Variants in VOPP1 observed in about 807,000 individuals in gnomAD.
The protein encoded by VOPP1 is VOPP1 WW domain binding protein, also known as WW domain binding protein VOPP1.
In VOPP1, 8 loss-of-function variants were observed where a neutral mutation model predicts 23.5. The ratio of observed to expected loss-of-function variants is 0.34; its 90% CI spans 0.20 to 0.61. The LOEUF is 0.61. Ranked by LOEUF, VOPP1 falls within the 20% of genes least tolerant of loss-of-function variation. The probability of loss-of-function intolerance (pLI) is 0.78; values close to 1 mark genes in which losing one functional copy is unlikely to be tolerated. For synonymous variants in VOPP1, 83 were observed against 97.3 expected, an observed-to-expected ratio of 0.85 and a Z score of 0.86; for missense variants, 174 against 238.1, an observed-to-expected ratio of 0.73 and a Z score of 1.77.
At chr7:55,506,552 G>C (rs996168357) in intron 2 of VOPP1, among the ~76,000 whole-genome samples, 11 of 151,776 alleles carry the variant, frequency 7.2e-5, no homozygotes, top group African/African-American at 1.9e-4. Flanking sequence ...GGCCAGGCTG[G>C]TCTCAAACTC....
chr7:55,483,538 T>G (rs554998381), intron 4 of VOPP1, among the ~76,000 whole-genome samples: 5 of 152,098 alleles, frequency 3.3e-5, no homozygotes, highest in African/African-American at 1.2e-4. Context: ...CCTGGCCAAA[T>G]AGGGCAGTGC....
intron 1 of VOPP1, chr7:55,561,893 G>C: frequency 1.4e-6 from 1 of 700,546 alleles, no homozygotes. Context: ...GACACCACCT[G>C]AGGGTCTTCA....
chr7:55,554,661 A>T (rs139948998), intron 1 of VOPP1, among the ~76,000 whole-genome samples: 1 of 152,176 alleles, frequency 6.6e-6, no homozygotes, highest in African/African-American at 2.4e-5. Flanking sequence ...CACAGAACCA[A>T]TGGGCGGAGC....
intron 1 of VOPP1, among the ~76,000 whole-genome samples, chr7:55,564,237 G>GTCTCTCTCTCTCTC (rs1382166112): frequency 0.036 from 1,013 of 28,174 alleles, 4 homozygotes; most frequent in Non-Finnish European, 0.075. Context: ...CTTTCTCTCT[G>GTCTCTCTCTCTCTC]TCTCTGTCTC....
chr7:55,478,969 G>A (rs2129011787), intron 4 of VOPP1, among the ~76,000 whole-genome samples: 1 of 152,258 alleles, frequency 6.6e-6, no homozygotes, highest in East Asian at 1.9e-4. Flanking sequence ...GGGGCAGCAG[G>A]GGCCCATGGA....
chr7:55,492,739 C>T (rs887855640), intron 3 of VOPP1: 29 of 219,048 alleles, frequency 1.3e-4, no homozygotes, highest in African/African-American at 4.3e-4. Context: ...TCCTCGTCCA[C>T]GGCTCTGACC....
chr7:55,568,931 G>A (rs918222967), intron 1 of VOPP1, among the ~76,000 whole-genome samples: 13 of 152,088 alleles, frequency 8.5e-5, no homozygotes, highest in African/African-American at 2.9e-4. Flanking sequence ...GCCAGCTGGC[G>A]GAACAAAGGC....
intron 2 of VOPP1, among the ~76,000 whole-genome samples, chr7:55,511,212 G>A (rs1300327345): frequency 1.3e-5 from 2 of 152,226 alleles, no homozygotes; most frequent in Non-Finnish European, 2.9e-5. Flanking sequence ...TTAACACAGT[G>A]CTGGCGGGGA....
At chr7:55,532,815 A>G (rs1009320666) in intron 1 of VOPP1, among the ~76,000 whole-genome samples, 7 of 152,218 alleles carry the variant, frequency 4.6e-5, no homozygotes, top group Non-Finnish European at 2.9e-5. Context: ...ACTACTACCA[A>G]ATTTCACACC....
At chr7:55,485,676 A>G (rs558817346) in intron 4 of VOPP1, among the ~76,000 whole-genome samples, 24 of 152,330 alleles carry the variant, frequency 1.6e-4, no homozygotes, top group Non-Finnish European at 2.5e-4. Context: ...CAGGGCCCAC[A>G]CAGGGCGCCC....
chr7:55,481,878 C>T (rs1013771153), intron 4 of VOPP1, among the ~76,000 whole-genome samples: 5 of 152,180 alleles, frequency 3.3e-5, no homozygotes, highest in Admixed American at 6.5e-5. Context: ...CCCTAGTATC[C>T]GGAGGTATGC....
At chr7:55,513,720 C>T (rs1317302355) in intron 2 of VOPP1, among the ~76,000 whole-genome samples, 1 of 152,162 alleles carries the variant, frequency 6.6e-6, no homozygotes, top group African/African-American at 2.4e-5. Context: ...TCCCGGCATT[C>T]TGAGAATGGA....
chr7:55,501,401 C>T (rs567818908), intron 2 of VOPP1, among the ~76,000 whole-genome samples: 1 of 152,302 alleles, frequency 6.6e-6, no homozygotes, highest in South Asian at 2.1e-4. Flanking sequence ...AGGGAAGCCC[C>T]AAGTTAAAAG....
At chr7:55,463,586 T>G (rs1024013406) in intron 4 of VOPP1, among the ~76,000 whole-genome samples, 2 of 152,148 alleles carry the variant, frequency 1.3e-5, no homozygotes, top group Non-Finnish European at 1.5e-5. Context: ...TGGCTGTGGT[T>G]GTTTGGGGAG....
intron 1 of VOPP1, among the ~76,000 whole-genome samples, chr7:55,555,540 C>T (rs1797772946): frequency 6.6e-6 from 1 of 152,200 alleles, no homozygotes; most frequent in African/African-American, 2.4e-5. Context: ...TGCCCAGCAC[C>T]TTTTAGGTGC....
In VOPP1 at chr7:55,492,360, G is replaced by A. The variant is rs1010233797; in HGVS notation, c.250C>T (p.Arg84Cys). 6.8e-6 allele frequency: 11 copies of A among 1,608,506 alleles called. No homozygotes were observed. Among genetic ancestry groups the A allele is most frequent in the African/African-American group, 4.0e-5 (3 of 74,824 alleles). The change falls in exon 4 of 5, where the codon CGC becomes TGC. Residue 84 changes from arginine (R) to cysteine (C), a missense_variant. Transcript: ENST00000285279. ...CCGAGFFIRR[R>C]MYPPPLIEEP... ...TCGATCAGCGGCGGGGGGTACATGCGCCTCCGGATGAAGAAGCCGGCTCCG... is the reference window on the plus strand; with the variant it reads ...TCGATCAGCGGCGGGGGGTACATGCACCTCCGGATGAAGAAGCCGGCTCCG...
intron 1 of VOPP1, among the ~76,000 whole-genome samples, chr7:55,526,323 C>A (rs1796191067): frequency 6.6e-6 from 1 of 152,180 alleles, no homozygotes; most frequent in Non-Finnish European, 1.5e-5. Flanking sequence ...TGTAGTTAAG[C>A]CATCCCAAAT....
Position 55,514,501 on chromosome 7 carries a change from C to T in VOPP1, c.113+6571G>A, listed in dbSNP as rs557638169. Among the ~76,000 whole-genome samples, 3 of 152,342 alleles carry T rather than the reference C, an allele frequency of 2.0e-5. No individual in the cohort carries two copies. The South Asian group carries it at 6.2e-4, about 32-fold the overall frequency. On this transcript the variant is annotated intron_variant, in intron 2 of 4. Transcript: ENST00000285279. Reference sequence around the variant, plus strand: ...CTTTCAGAATCACTCCGTCTCCAACCCTCCTTAGGCCACCATTTGTCTCCG... The same window carrying T: ...CTTTCAGAATCACTCCGTCTCCAACTCTCCTTAGGCCACCATTTGTCTCCG...
intron 1 of VOPP1, among the ~76,000 whole-genome samples, chr7:55,571,178 T>C (rs1352643945): frequency 6.6e-6 from 1 of 152,160 alleles, no homozygotes; most frequent in Non-Finnish European, 1.5e-5. Flanking sequence ...TACGGGGATA[T>C]TTCCGAACAG....
Sources: gnomAD v4.1 joint callset for allele counts (sites outside exome capture counted in the v4.1 genomes callset) on GRCh38, gnomAD v4.1.1 for gene constraint, MANE v1.5 for transcripts, NCBI Gene and HGNC (gene_info 2026-07-23, HGNC 2026-07-21) for gene names.